Variants in FDXR observed in about 807,000 individuals in gnomAD.
FDXR encodes ferredoxin reductase, also known as NADPH:adrenodoxin oxidoreductase, mitochondrial.
In FDXR, 38 loss-of-function variants were observed where a neutral mutation model predicts 58.3. The ratio of observed to expected loss-of-function variants is 0.65; its 90% CI spans 0.50 to 0.85. The LOEUF is 0.85. Among genes scored for constraint, FDXR ranks in the 40% least tolerant of loss-of-function variants. FDXR has a pLI of 0.00. For synonymous variants in FDXR, 275 were observed against 273.8 expected (o/e 1.00, Z -0.04); for missense variants, 624 against 671.0 (o/e 0.93, Z 0.77).
chr17:74,870,431 C>A (rs925302770), intron 2 of FDXR, among the ~76,000 whole-genome samples: 1 of 146,574 alleles, frequency 6.8e-6, no homozygotes, highest in Non-Finnish European at 1.5e-5. Flanking sequence ...GCAGGAGAAT[C>A]GCTTGAACTT....
intron 6 of FDXR, 58 bp from the exon 7 acceptor site, chr17:74,864,989 C>T (rs2038123855): frequency 6.2e-7 from 1 of 1,612,696 alleles, no homozygotes; most frequent in African/African-American, 1.3e-5. Flanking sequence ...AGGGGACTCT[C>T]CATTTGGTCA....
At chr17:74,870,387 T>C (rs1169652391) in intron 2 of FDXR, among the ~76,000 whole-genome samples, 1 of 151,492 alleles carries the variant, frequency 6.6e-6, no homozygotes, top group African/African-American at 2.4e-5. Context: ...TGTGGTGGAG[T>C]GCGCCTGTAA....
rs138454707 is a variant in FDXR, at chr17:74,866,219, G to A, written c.419C>T (p.Ala140Val). Residue 140 changes from alanine to valine, a missense_variant, in exon 5 of 12, where the codon GCC becomes GTC. Transcript: ENST00000293195. Reference protein sequence around the residue: ...VLSYGAEDHRALEIPGEELPG... With the variant: ...VLSYGAEDHRVLEIPGEELPG... ...CAGCTCCTCACCAGGAATTTCCAGG[G>A]CCCGATGGTCCTCTGCCCCGTAGCT... 2.0e-5 allele frequency: 33 copies of A among 1,613,788 alleles called. No individual in the cohort carries two copies. Among genetic ancestry groups the A allele is most frequent in the Non-Finnish European group, 2.5e-5 (29 of 1,179,962 alleles).
In FDXR at chr17:74,864,132, G is replaced by A; in HGVS notation, c.1002+16C>T. On this transcript the variant is annotated intron_variant, in intron 9 of 11. Coordinates refer to ENST00000293195, the MANE Select transcript of FDXR (RefSeq NM_024417.5). The stretch of plus-strand genomic sequence containing the variant: ...AGGCCTGGGAAGGGGGTGTCTTTGG[G>A]AAACATGAGACTCACCTCCAGTCTA... 1.2e-6 allele frequency: 2 copies of A among 1,612,940 alleles called. No individual in the cohort carries two copies. The highest frequency in any genetic ancestry group is 1.3e-5 in the African/African-American group (1 of 75,030).
intron 5 of FDXR, 104 bp downstream of exon 5, chr17:74,866,025 ATG>A: frequency 1.0e-6 from 1 of 990,450 alleles, no homozygotes; most frequent in Non-Finnish European, 1.6e-6. Context: ...AGTCAGCACA[ATG>A]TCACAGCTCG....
At chr17:74,865,321 G>A (rs758717995) in intron 6 of FDXR, among the ~76,000 whole-genome samples, 12 of 152,146 alleles carry the variant, frequency 7.9e-5, no homozygotes, top group Middle Eastern at 3.4e-3. Flanking sequence ...GATGATATGC[G>A]GTGAAACAGA....
intron 4 of FDXR, 31 bp downstream of exon 4, chr17:74,866,415 C>T: frequency 6.2e-7 from 1 of 1,609,772 alleles, no homozygotes; most frequent in Non-Finnish European, 8.5e-7. Flanking sequence ...GCAGCCCCTG[C>T]CTCCCCAAGC....
At chr17:74,869,029 G>C (rs2038286585) in intron 2 of FDXR, among the ~76,000 whole-genome samples, 1 of 151,876 alleles carries the variant, frequency 6.6e-6, no homozygotes, top group Non-Finnish European at 1.5e-5. Flanking sequence ...GGAACCTGGG[G>C]CTCCTCCCTG....
intron 2 of FDXR, among the ~76,000 whole-genome samples, chr17:74,870,886 T>G (rs1355511229): frequency 7.4e-6 from 1 of 135,824 alleles, no homozygotes; most frequent in African/African-American, 2.7e-5. Context: ...CAGTGCTACC[T>G]CCACCTCCTG....
intron 1 of FDXR, 41 bp downstream of exon 1, chr17:74,872,825 C>A: frequency 1.3e-6 from 2 of 1,543,212 alleles, no homozygotes; most frequent in Non-Finnish European, 1.7e-6. Context: ...TCGCAGGCCT[C>A]CCCGCGCTCC....
At chr17:74,870,874 C>T (rs993732285) in intron 2 of FDXR, among the ~76,000 whole-genome samples, 1 of 137,630 alleles carries the variant, frequency 7.3e-6, no homozygotes, top group Non-Finnish European at 1.5e-5. Context: ...TTGATCTTGG[C>T]TCAGTGCTAC....
At chr17:74,866,372 C>T (rs1567913119) in intron 4 of FDXR, 74 bp downstream of exon 4, 5 of 1,588,658 alleles carry the variant, frequency 3.1e-6, no homozygotes, top group Non-Finnish European at 4.3e-6. Context: ...CTCACCCCTG[C>T]TGCCTTCCAC....
intron 1 of FDXR, 135 bp downstream of exon 1, chr17:74,872,731 G>A: frequency 3.9e-6 from 6 of 1,520,982 alleles, no homozygotes; most frequent in Non-Finnish European, 5.3e-6. Context: ...GTACACCACC[G>A]GGATCTCGCC....
In FDXR at chr17:74,864,292, C is replaced by T; in HGVS notation, c.858G>A (p.Glu286=). 1.9e-6 allele frequency: 3 copies of T among 1,591,296 alleles called. No individual in the cohort carries two copies. The highest frequency in any genetic ancestry group is 1.7e-6 in the Non-Finnish European group (2 of 1,166,148). ...GGGCAGCTTCCGCCGGCCCTGGCTT[C>T]TCTGTGGCCGTTCGAAGCAGCAGTT... is the stretch of plus-strand genomic sequence containing the variant. ...LTELLLRTAT[E]KPGPAEAARQ... The change falls in exon 9 of 12, where the codon GAG becomes GAA. Residue 286 remains glutamate (E), a synonymous_variant. Coordinates refer to ENST00000293195, the MANE Select transcript of FDXR (RefSeq NM_024417.5).
chr17:74,872,724 C>T (rs921941911), intron 1 of FDXR, 142 bp downstream of exon 1: 1 of 1,511,976 alleles, frequency 6.6e-7, no homozygotes, highest in Non-Finnish European at 8.9e-7. Context: ...CACCCCCGTA[C>T]ACCACCGGGA....
chr17:74,869,684 G>A (rs530698810), intron 2 of FDXR, among the ~76,000 whole-genome samples: 9 of 152,114 alleles, frequency 5.9e-5, no homozygotes, highest in African/African-American at 1.4e-4. Context: ...GCTTATAGCC[G>A]TCAGAGCCCT....
At position 74,866,519 on chromosome 17, in the gene FDXR, A is replaced by C. The variant is rs2038191095; in HGVS notation, c.320T>G (p.Phe107Cys). 1.2e-6 allele frequency: 2 copies of C among 1,613,696 alleles called. No individual in the cohort carries two copies. The highest frequency in any genetic ancestry group is 1.7e-5 in the Admixed American group (1 of 60,006). Residue 107 changes from phenylalanine to cysteine, a missense_variant, in exon 4 of 12, where the codon TTC (phenylalanine) becomes TGC (cysteine). By Grantham distance (205) the Phe-to-Cys change is radical (BLOSUM62 -2). Coordinates refer to ENST00000293195, the MANE Select transcript of FDXR (RefSeq NM_024417.5). The part of the protein sequence containing the change: ...TQTAHSGRCA[F>C]WGNVEVGRDV... ...CCTGCCCACCTCCACGTTGCCCCAG[A>C]AGGCACAGCGGCCAGAATGGGCCGT...
At chr17:74,868,860 T>C in intron 2 of FDXR, 1 of 965,272 alleles carries the variant, frequency 1.0e-6, no homozygotes, top group South Asian at 1.7e-5. Context: ...ACTCTCTCTC[T>C]CCTGCCCAGA....
In FDXR at chr17:74,872,925, C is replaced by T. The variant is rs28365947; in HGVS notation, c.20G>A (p.Arg7His). 1.3e-6 allele frequency: 2 copies of T among 1,556,134 alleles called. No individual in the cohort carries two copies. Among genetic ancestry groups the T allele is most frequent in the African/African-American group, 1.4e-5 (1 of 73,866 alleles). Reference protein sequence around the residue: MASRCWRWWGWSAWPRT... With the variant: MASRCWHWWGWSAWPRT... ...AGGCCACGCCGACCAGCCCCACCAGCGCCAGCAGCGCGAAGCCATGGCTGG... is the reference window on the plus strand; with the variant it reads ...AGGCCACGCCGACCAGCCCCACCAGTGCCAGCAGCGCGAAGCCATGGCTGG... Residue 7 changes from arginine (R) to histidine (H), a missense_variant, in exon 1 of 12, where the codon CGC becomes CAC. Arg to His is a conservative substitution (Grantham distance 29). Coordinates refer to ENST00000293195, the MANE Select transcript of FDXR (RefSeq NM_024417.5).
Sources: gnomAD v4.1 joint callset for allele counts (sites outside exome capture counted in the v4.1 genomes callset) on GRCh38, gnomAD v4.1.1 for gene constraint, MANE v1.5 for transcripts, NCBI Gene and HGNC (gene_info 2026-07-23, HGNC 2026-07-21) for gene names.